SLC8A3: variants seen among roughly 807,000 people sequenced by gnomAD.
The protein encoded by SLC8A3 is solute carrier family 8 member A3, also known as sodium/calcium exchanger 3.
Under a neutral mutation model 65.4 loss-of-function variants are expected in SLC8A3, and 37 were observed. The ratio of observed to expected loss-of-function variants is 0.57; its 90% CI spans 0.44 to 0.74. The LOEUF is 0.74. Ranked by LOEUF, SLC8A3 falls within the 30% of genes least tolerant of loss-of-function variation. SLC8A3 has a pLI of 0.00. For synonymous variants in SLC8A3, 461 were observed against 444.5 expected, an observed-to-expected ratio of 1.04 and a Z score of -0.47; for missense variants, 1,112 against 1,172.1, an observed-to-expected ratio of 0.95 and a Z score of 0.75.
chr14:70,116,683 A>G (rs759220609), intron 2 of SLC8A3, among the ~76,000 whole-genome samples: 1 of 152,172 alleles, frequency 6.6e-6, no homozygotes, highest in African/African-American at 2.4e-5. Context: ...CTCTCACAAA[A>G]GGGGAGCTCC....
At chr14:70,094,280 C>T (rs1892003405) in intron 2 of SLC8A3, among the ~76,000 whole-genome samples, 2 of 152,346 alleles carry the variant, frequency 1.3e-5, no homozygotes, top group South Asian at 4.1e-4. Flanking sequence ...CACAACATTG[C>T]TGAGTCAGAC....
At chr14:70,134,406 C>T (rs1037339206) in intron 2 of SLC8A3, among the ~76,000 whole-genome samples, 3 of 152,110 alleles carry the variant, frequency 2.0e-5, no homozygotes, top group Admixed American at 2.0e-4. Context: ...ATTCCTTTGC[C>T]GTCCATACCA....
intron 1 of SLC8A3, among the ~76,000 whole-genome samples, chr14:70,179,624 G>A (rs1742268181): frequency 6.6e-6 from 1 of 152,188 alleles, no homozygotes; most frequent in Admixed American, 6.5e-5. Context: ...ACCACATAGT[G>A]TTTGGACAGA....
At chr14:70,123,945 C>T (rs61977445) in intron 2 of SLC8A3, among the ~76,000 whole-genome samples, 17,567 of 152,086 alleles carry the variant, frequency 0.12, 1,210 homozygotes, top group Non-Finnish European at 0.16. Flanking sequence ...TCCCAGGCTC[C>T]GGTCCCCCAG....
intron 2 of SLC8A3, among the ~76,000 whole-genome samples, chr14:70,129,540 G>A (rs1207047023): frequency 6.6e-6 from 1 of 152,184 alleles, no homozygotes; most frequent in Non-Finnish European, 1.5e-5. Flanking sequence ...ATAAGGCAGA[G>A]CATTTAGTAA....
chr14:70,132,896 G>A (rs1594732156), intron 2 of SLC8A3, among the ~76,000 whole-genome samples: 1 of 152,206 alleles, frequency 6.6e-6, no homozygotes, highest in Non-Finnish European at 1.5e-5. Context: ...TGGGGGGCCA[G>A]CCACCAATTC....
At chr14:70,108,232 AT>A (rs1002639610) in intron 2 of SLC8A3, among the ~76,000 whole-genome samples, 2 of 152,066 alleles carry the variant, frequency 1.3e-5, no homozygotes, top group Non-Finnish European at 2.9e-5. Context: ...AGACAGACTC[AT>A]TTGCAAAATC....
At position 70,052,003 on chromosome 14, in the gene SLC8A3, G is replaced by A. The variant is rs138292493; in HGVS notation, c.2000C>T (p.Ser667Phe). Residue 667 changes from serine to phenylalanine, a missense_variant, in exon 4 of 7, where the codon TCC becomes TTC. Transcript: ENST00000356921. Reference sequence around the variant, plus strand: ...TGTTTGCCTGACCTTGAACTCATAGGACTCTTCAATGATGACTTCTAGTTT... The same window carrying A: ...TGTTTGCCTGACCTTGAACTCATAGAACTCTTCAATGATGACTTCTAGTTT... ...HPKLEVIIEE[S>F]YEFKTTVDKL... 3.1e-6 allele frequency: 5 copies of A among 1,613,112 alleles called. No individual in the cohort carries two copies. In the African/African-American group the frequency reaches 6.7e-5, roughly 22 times the overall value.
chr14:70,132,239 T>C (rs773204919), intron 2 of SLC8A3, among the ~76,000 whole-genome samples: 2 of 152,174 alleles, frequency 1.3e-5, no homozygotes, highest in Non-Finnish European at 2.9e-5. Context: ...AACTAAGAAA[T>C]AAAAGCCACT....
At chr14:70,182,026 G>A (rs1257434780) in intron 1 of SLC8A3, among the ~76,000 whole-genome samples, 1 of 152,174 alleles carries the variant, frequency 6.6e-6, no homozygotes, top group Non-Finnish European at 1.5e-5. Flanking sequence ...TACAAGAGGT[G>A]ATAAAATCTG....
chr14:70,167,820 T>G lies in SLC8A3; in HGVS notation c.603A>C (p.Arg201=). ...TCCAAGCAGCGGTGATGAAGAAGACTCGTAGATGCTTGATCTTGCGAGTCT... is the reference window on the plus strand; with the variant it reads ...TCCAAGCAGCGGTGATGAAGAAGACGCGTAGATGCTTGATCTTGCGAGTCT... ...DGETRKIKHL[R]VFFITAAWSI... is the part of the protein sequence containing the mutation. The change falls in exon 2 of 7, where the codon CGA becomes CGC. Residue 201 remains arginine (R), a synonymous_variant. Transcript: ENST00000356921. 6.2e-7 allele frequency: 1 copy of G among 1,614,086 alleles called. No individual in the cohort carries two copies. Among genetic ancestry groups the G allele is most frequent in the Middle Eastern group, 1.6e-4 (1 of 6,062 alleles).
At chr14:70,137,678 C>T (rs979134604) in intron 2 of SLC8A3, among the ~76,000 whole-genome samples, 8 of 151,966 alleles carry the variant, frequency 5.3e-5, no homozygotes, top group Non-Finnish European at 7.4e-5. Flanking sequence ...GATGAGTTTT[C>T]AGCAGAAATT....
chr14:70,079,330 CAAAA>C (rs11464342), intron 2 of SLC8A3, among the ~76,000 whole-genome samples: 3 of 80,928 alleles, frequency 3.7e-5, no homozygotes, highest in Non-Finnish European at 4.7e-5. Context: ...CTAAAAAATA[CAAAA>C]AAAAAAAAAA....
intron 2 of SLC8A3, among the ~76,000 whole-genome samples, chr14:70,103,702 A>T (rs11158831): frequency 0.7 from 106,095 of 151,600 alleles, 37,817 homozygotes; most frequent in South Asian, 0.77. Context: ...CAAAAAAAAA[A>T]TAACTGAAAA....
At chr14:70,185,659 C>T (rs1022602824) in intron 1 of SLC8A3, among the ~76,000 whole-genome samples, 2 of 152,226 alleles carry the variant, frequency 1.3e-5, no homozygotes, top group African/African-American at 4.8e-5. Flanking sequence ...TCCTCCAATT[C>T]CACTCATTCA....
Position 70,048,864 on chromosome 14 carries a change from G to A in SLC8A3, c.2292C>T (p.Ala764=). Residue 764 remains alanine (A), a synonymous_variant, in exon 6 of 7, where the codon GCC becomes GCT. Coordinates refer to ENST00000356921, the MANE Select transcript of SLC8A3 (RefSeq NM_182932.3). ...VSILIIGMLT[A]IIGDLASHFG... ...AGTGCGAGGCCAGGTCCCCAATGATGGCGGTGAGCATGCCAATGATGAGGA... is the reference window on the plus strand; with the variant it reads ...AGTGCGAGGCCAGGTCCCCAATGATAGCGGTGAGCATGCCAATGATGAGGA... 1 of 1,614,158 alleles carries A rather than the reference G, an allele frequency of 6.2e-7. No individual in the cohort carries two copies. The highest frequency in any genetic ancestry group is 8.5e-7 in the Non-Finnish European group (1 of 1,180,016).
At chr14:70,133,573 G>T (rs907461267) in intron 2 of SLC8A3, among the ~76,000 whole-genome samples, 1 of 152,208 alleles carries the variant, frequency 6.6e-6, no homozygotes, top group African/African-American at 2.4e-5. Flanking sequence ...GCAAATGTGA[G>T]GGAGAGACCA....
At chr14:70,084,441 G>C (rs1029968470) in intron 2 of SLC8A3, among the ~76,000 whole-genome samples, 2 of 152,146 alleles carry the variant, frequency 1.3e-5, no homozygotes, top group African/African-American at 4.8e-5. Context: ...TCACCCTGCT[G>C]GTCATTATTC....
intron 2 of SLC8A3, among the ~76,000 whole-genome samples, chr14:70,077,082 T>C (rs1039584036): frequency 6.6e-6 from 1 of 152,166 alleles, no homozygotes; most frequent in Non-Finnish European, 1.5e-5. Context: ...CAGTCGTACA[T>C]GTCACTTAAT....
Sources: allele counts gnomAD v4.1 joint callset (sites outside exome capture counted in the v4.1 genomes callset), GRCh38; gene constraint gnomAD v4.1.1; transcripts MANE v1.5; gene names NCBI Gene and HGNC (gene_info 2026-07-23, HGNC 2026-07-21).